The following CNTNAP2 variants were observed in gnomAD, a reference collection of about 807,000 sequenced individuals.
CNTNAP2 encodes the protein contactin-associated protein-like 2.
A neutral mutation model predicts 155.2 loss-of-function variants in CNTNAP2; 98 were observed. The observed-to-expected ratio is 0.63, with a 90% confidence interval of 0.54 to 0.75. CNTNAP2 has a LOEUF of 0.75. CNTNAP2 is among the 30% of genes least tolerant of loss of function. The pLI is 0.00. For missense variants in CNTNAP2, 1,727 were observed against 1,688.1 expected, an observed-to-expected ratio of 1.02 and a Z score of -0.40; for synonymous variants, 651 against 631.2, an observed-to-expected ratio of 1.03 and a Z score of -0.47.
intron 4 of CNTNAP2, 47 bp downstream of exon 4, chr7:147,044,101 A>G (rs1391333331): frequency 6.2e-7 from 1 of 1,605,458 alleles, no homozygotes; most frequent in African/African-American, 1.3e-5. Context: ...ATCTTTATTT[A>G]AATAGTAAGC....
chr7:147,623,884 C>A (rs763486428), intron 12 of CNTNAP2, among the ~76,000 whole-genome samples: 8 of 152,146 alleles, frequency 5.3e-5, no homozygotes, highest in Middle Eastern at 3.4e-3. Context: ...GCTAGAGTAA[C>A]CAAAACAGCA....
intron 13 of CNTNAP2, among the ~76,000 whole-genome samples, chr7:147,715,498 T>C (rs920824485): frequency 6.6e-6 from 1 of 152,122 alleles, no homozygotes; most frequent in Admixed American, 6.6e-5. Flanking sequence ...ACACGTCTTT[T>C]GTCCATTTTC....
chr7:146,493,303 C>CA (rs1253424599), intron 1 of CNTNAP2, among the ~76,000 whole-genome samples: 2 of 151,840 alleles, frequency 1.3e-5, no homozygotes, highest in African/African-American at 2.4e-5. Context: ...AGCATGGCTT[C>CA]AAAAAAATCT....
At chr7:147,929,809 A>G (rs1448369217) in intron 14 of CNTNAP2, among the ~76,000 whole-genome samples, 1 of 152,236 alleles carries the variant, frequency 6.6e-6, no homozygotes, top group Non-Finnish European at 1.5e-5. Flanking sequence ...TTTATGGAAG[A>G]CAATTTTTCT....
chr7:148,207,976 T>C (rs928415173), intron 18 of CNTNAP2, among the ~76,000 whole-genome samples: 1 of 151,892 alleles, frequency 6.6e-6, no homozygotes, highest in Non-Finnish European at 1.5e-5. Context: ...TAGTCCCAGC[T>C]ACTCAGAGAG....
At chr7:148,369,344 G>GTGTGCCACTACACCTGGCTAATT (rs1257607228) in intron 21 of CNTNAP2, among the ~76,000 whole-genome samples, 1 of 151,320 alleles carries the variant, frequency 6.6e-6, no homozygotes, top group African/African-American at 2.4e-5. Context: ...AATTACAGGG[G>GTGTGCCACTACACCTGGCTAATT]TGTGCCACTA....
intron 10 of CNTNAP2, among the ~76,000 whole-genome samples, chr7:147,472,573 T>C (rs1045478737): frequency 2.6e-5 from 4 of 152,164 alleles, no homozygotes; most frequent in East Asian, 1.9e-4. Context: ...TTATTGAGAA[T>C]GAATTAAAGC....
At chr7:148,178,234 A>ATGT (rs1213611283) in intron 18 of CNTNAP2, among the ~76,000 whole-genome samples, 1 of 152,230 alleles carries the variant, frequency 6.6e-6, no homozygotes, top group East Asian at 1.9e-4. Context: ...AACTATAAAA[A>ATGT]TGTTCATGTT....
chr7:148,035,445 G>A (rs149038092), intron 15 of CNTNAP2, among the ~76,000 whole-genome samples: 1 of 152,164 alleles, frequency 6.6e-6, no homozygotes, highest in Non-Finnish European at 1.5e-5. Flanking sequence ...GCATTCCAGT[G>A]TAGCAGTCCT....
At chr7:148,062,030 T>A (rs62471698) in intron 15 of CNTNAP2, among the ~76,000 whole-genome samples, 33,034 of 75,112 alleles carry the variant, frequency 0.44, 5,327 homozygotes, top group East Asian at 0.66. Context: ...AGAGAGAGAG[T>A]GTGTGTGTGT....
chr7:147,915,752 G>C (rs1162228124), intron 14 of CNTNAP2, among the ~76,000 whole-genome samples: 1 of 149,568 alleles, frequency 6.7e-6, no homozygotes, highest in Non-Finnish European at 1.5e-5. Context: ...CTGGGTGGCG[G>C]GCGGGGGTGA....
At chr7:146,143,319 A>G (rs951037498) in intron 1 of CNTNAP2, among the ~76,000 whole-genome samples, 9 of 152,218 alleles carry the variant, frequency 5.9e-5, no homozygotes, top group Non-Finnish European at 1.2e-4. Context: ...GCAAGTGAGC[A>G]AACAGAAATA....
At chr7:146,614,092 A>G (rs563685782) in intron 1 of CNTNAP2, among the ~76,000 whole-genome samples, 1 of 152,104 alleles carries the variant, frequency 6.6e-6, no homozygotes, top group African/African-American at 2.4e-5. Flanking sequence ...AGCTTTTATT[A>G]TGACCCGTGA....
intron 1 of CNTNAP2, among the ~76,000 whole-genome samples, chr7:146,562,051 A>G (rs1185820198): frequency 6.6e-6 from 1 of 152,108 alleles, no homozygotes; most frequent in Non-Finnish European, 1.5e-5. Flanking sequence ...TGGCCTCCCA[A>G]ACTGCTGGGA....
chr7:147,627,717 TA>T (rs1795011476), intron 12 of CNTNAP2, among the ~76,000 whole-genome samples: 1 of 130,250 alleles, frequency 7.7e-6, no homozygotes, highest in African/African-American at 3.1e-5. Context: ...AAAAAAAAGA[TA>T]TTAAAACAAA....
At chr7:146,338,031 G>A (rs1801308395) in intron 1 of CNTNAP2, among the ~76,000 whole-genome samples, 1 of 152,084 alleles carries the variant, frequency 6.6e-6, no homozygotes, top group South Asian at 2.1e-4. Flanking sequence ...CTGCAAAGAT[G>A]GCCTTTTCAA....
chr7:148,085,481 C>T (rs1803706558), intron 15 of CNTNAP2, among the ~76,000 whole-genome samples: 1 of 152,122 alleles, frequency 6.6e-6, no homozygotes, highest in East Asian at 1.9e-4. Flanking sequence ...ATTACATATA[C>T]ACCAATTGAC....
chr7:147,142,967 C>T (rs931874154), intron 8 of CNTNAP2, among the ~76,000 whole-genome samples: 1 of 152,102 alleles, frequency 6.6e-6, no homozygotes, highest in African/African-American at 2.4e-5. Flanking sequence ...CTTCCCCAAA[C>T]CCCAGGAAAC....
chr7:146,333,472 A>G (rs1473420660), intron 1 of CNTNAP2, among the ~76,000 whole-genome samples: 4 of 152,192 alleles, frequency 2.6e-5, no homozygotes, highest in African/African-American at 7.2e-5. Context: ...CCCGGAAAAA[A>G]AGTAAGAATT....
Sources: allele counts gnomAD v4.1 joint callset (sites outside exome capture counted in the v4.1 genomes callset), GRCh38; gene constraint gnomAD v4.1.1; transcripts MANE v1.5; gene names NCBI Gene and HGNC (gene_info 2026-07-23, HGNC 2026-07-21).